The following CTNNA3 variants were observed in gnomAD, a reference collection of about 807,000 sequenced individuals.
CTNNA3 encodes catenin alpha-3.
CTNNA3 carries 76 observed loss-of-function variants against 95.7 expected under a neutral mutation model. That is an observed-to-expected ratio of 0.79 (90% CI 0.66 to 0.96). The LOEUF (loss-of-function observed/expected upper bound fraction) is 0.96, where lower values mean the gene tolerates loss of function less well. Among genes scored for constraint, CTNNA3 ranks in the 40% least tolerant of loss-of-function variants. The pLI, the probability that CTNNA3 is intolerant of heterozygous loss-of-function variation, is 0.00. For missense variants in CTNNA3, 1,191 were observed against 1,089.8 expected, an observed-to-expected ratio of 1.09 and a Z score of -1.31; for synonymous variants, 431 against 374.4, an observed-to-expected ratio of 1.15 and a Z score of -1.74.
intron 5 of CTNNA3, among the ~76,000 whole-genome samples, chr10:67,376,849 C>A (rs1415844465): frequency 6.6e-6 from 1 of 152,156 alleles, no homozygotes; most frequent in East Asian, 1.9e-4. Flanking sequence ...AAAGCCATTC[C>A]TAACTAACCT....
chr10:67,721,658 G>A (rs1841180273), intron 1 of CTNNA3, among the ~76,000 whole-genome samples: 1 of 152,132 alleles, frequency 6.6e-6, no homozygotes, highest in African/African-American at 2.4e-5. Flanking sequence ...GCCTACTTCT[G>A]TCAATTCATG....
intron 5 of CTNNA3, among the ~76,000 whole-genome samples, chr10:67,438,128 A>T (rs747229901): frequency 3.0e-4 from 45 of 152,200 alleles, no homozygotes; most frequent in Middle Eastern, 3.4e-3. Flanking sequence ...AGCACTACCG[A>T]CTCACAGCCA....
intron 5 of CTNNA3, among the ~76,000 whole-genome samples, chr10:67,224,050 T>A (rs1248915272): frequency 6.6e-6 from 1 of 152,206 alleles, no homozygotes; most frequent in Non-Finnish European, 1.5e-5. Context: ...ATCATATTAA[T>A]CAATATATCC....
intron 16 of CTNNA3, among the ~76,000 whole-genome samples, chr10:65,973,767 C>G (rs1026324481): frequency 6.6e-6 from 1 of 152,050 alleles, no homozygotes; most frequent in Non-Finnish European, 1.5e-5. Flanking sequence ...AGGTGCCACA[C>G]ACTTTTAAAT....
At chr10:65,968,369 T>C (rs2078022675) in intron 16 of CTNNA3, among the ~76,000 whole-genome samples, 1 of 152,060 alleles carries the variant, frequency 6.6e-6, no homozygotes, top group Admixed American at 6.6e-5. Context: ...GAGTGGGACC[T>C]TGTGTCAAAA....
At chr10:66,935,355 T>C (rs1033112661) in intron 7 of CTNNA3, among the ~76,000 whole-genome samples, 7 of 152,094 alleles carry the variant, frequency 4.6e-5, no homozygotes, top group African/African-American at 1.7e-4. Context: ...AAGTTTACCA[T>C]AGTGAAAACT....
chr10:66,451,778 G>C (rs761469376), intron 11 of CTNNA3, among the ~76,000 whole-genome samples: 3 of 152,076 alleles, frequency 2.0e-5, no homozygotes, highest in Non-Finnish European at 2.9e-5. Flanking sequence ...AATTTTGGCT[G>C]CTAGCCAATC....
chr10:67,540,337 A>G (rs1840638048), intron 3 of CTNNA3, among the ~76,000 whole-genome samples: 1 of 151,998 alleles, frequency 6.6e-6, no homozygotes, highest in Non-Finnish European at 1.5e-5. Flanking sequence ...CTCCCATCCA[A>G]CAACATAATT....
chr10:66,869,883 C>A (rs1303952183), intron 7 of CTNNA3, among the ~76,000 whole-genome samples: 1 of 152,176 alleles, frequency 6.6e-6, no homozygotes, highest in Non-Finnish European at 1.5e-5. Flanking sequence ...ATGTACCACA[C>A]ATAGACCTCA....
At chr10:67,577,695 C>T (rs112936208) in intron 3 of CTNNA3, among the ~76,000 whole-genome samples, 1 of 132,682 alleles carries the variant, frequency 7.5e-6, no homozygotes, top group Non-Finnish European at 1.5e-5. Context: ...TATATATATA[C>T]ACACATATGT....
At position 66,141,078 on chromosome 10, in the gene CTNNA3, G is replaced by T. The variant is rs997301361; in HGVS notation, c.1885-37829C>A. On this transcript the variant is annotated intron_variant, in intron 13 of 17. Coordinates refer to ENST00000433211, the MANE Select transcript of CTNNA3 (RefSeq NM_013266.4). The stretch of plus-strand genomic sequence containing the variant: ...GTTCAGGACCAGCCTGGGCAACATG[G>T]TGAAACTCCAACACTACTAAAAAAA... Among the ~76,000 whole-genome samples, 7 of 152,092 alleles carry T rather than the reference G, an allele frequency of 4.6e-5. No homozygotes were observed. The East Asian group carries it at 7.8e-4, about 17-fold the overall frequency.
intron 15 of CTNNA3, among the ~76,000 whole-genome samples, chr10:66,007,789 T>C (rs55806928): frequency 0.063 from 2,635 of 42,140 alleles, 134 homozygotes; most frequent in African/African-American, 0.22. Flanking sequence ...TTTCCTCCCT[T>C]CCTCCCTTCC....
intron 7 of CTNNA3, among the ~76,000 whole-genome samples, chr10:66,797,553 T>C (rs527381220): frequency 6.6e-6 from 1 of 152,110 alleles, no homozygotes; most frequent in Non-Finnish European, 1.5e-5. Context: ...ACTTTTTCCC[T>C]AGGTGAAGGT....
chr10:67,358,011 A>C (rs1232834709), intron 5 of CTNNA3, among the ~76,000 whole-genome samples: 3 of 152,154 alleles, frequency 2.0e-5, no homozygotes, highest in Non-Finnish European at 2.9e-5. Context: ...ATTTTCAACA[A>C]AAGAGCAAAG....
chr10:66,786,351 T>C (rs1184648538), intron 7 of CTNNA3, among the ~76,000 whole-genome samples: 1 of 152,120 alleles, frequency 6.6e-6, no homozygotes, highest in Non-Finnish European at 1.5e-5. Flanking sequence ...AGAAATAACT[T>C]TTATGTTCCC....
intron 9 of CTNNA3, among the ~76,000 whole-genome samples, chr10:66,721,176 C>G (rs370857370): frequency 6.6e-6 from 1 of 152,168 alleles, no homozygotes; most frequent in Admixed American, 6.5e-5. Flanking sequence ...GATTTCCTCA[C>G]GGAAAGAGAC....
intron 5 of CTNNA3, among the ~76,000 whole-genome samples, chr10:67,464,830 C>A (rs775426494): frequency 1.3e-4 from 19 of 150,430 alleles, no homozygotes; most frequent in Non-Finnish European, 2.2e-4. Context: ...CCACATTGAC[C>A]GTTTCTTATC....
chr10:65,955,593 A>G (rs1483543966), intron 17 of CTNNA3, among the ~76,000 whole-genome samples: 1 of 152,174 alleles, frequency 6.6e-6, no homozygotes, highest in Non-Finnish European at 1.5e-5. Context: ...AGTTTTTAGC[A>G]TGAAGTGCTG....
intron 16 of CTNNA3, among the ~76,000 whole-genome samples, chr10:65,970,604 A>G (rs1366263109): frequency 6.6e-6 from 1 of 151,192 alleles, no homozygotes; most frequent in Non-Finnish European, 1.5e-5. Flanking sequence ...ATTAAACTAC[A>G]ACAAAAAAGA....
Sources: allele counts gnomAD v4.1 joint callset (sites outside exome capture counted in the v4.1 genomes callset), GRCh38; gene constraint gnomAD v4.1.1; transcripts MANE v1.5; gene names NCBI Gene and HGNC (gene_info 2026-07-23, HGNC 2026-07-21).